The following ZNF385D variants were observed in gnomAD, a reference collection of about 807,000 sequenced individuals.
ZNF385D encodes zinc finger protein 385D, also known as zinc finger protein 659.
A neutral mutation model predicts 35.8 loss-of-function variants in ZNF385D; 15 were observed. That is an observed-to-expected ratio of 0.42 (90% CI 0.28 to 0.64). The LOEUF is 0.64. Ranked by LOEUF, ZNF385D falls within the 30% of genes least tolerant of loss-of-function variation. ZNF385D has a pLI of 0.23. For synonymous variants in ZNF385D, 212 were observed against 186.8 expected, an observed-to-expected ratio of 1.13 and a Z score of -1.10; for missense variants, 474 against 494.6, an observed-to-expected ratio of 0.96 and a Z score of 0.39.
At chr3:21,506,855 T>C (rs1210674985) in intron 4 of ZNF385D, among the ~76,000 whole-genome samples, 1 of 152,144 alleles carries the variant, frequency 6.6e-6, no homozygotes, top group Non-Finnish European at 1.5e-5. Context: ...CGTTAGGAAG[T>C]GTGTTTTTGC....
chr3:22,198,967 C>T (rs1332124982), intron 2 of ZNF385D, among the ~76,000 whole-genome samples: 1 of 152,100 alleles, frequency 6.6e-6, no homozygotes, highest in Non-Finnish European at 1.5e-5. Flanking sequence ...GTCTTAACAT[C>T]TGCAAAATAT....
chr3:21,878,146 T>G (rs752906077), intron 3 of ZNF385D: 1 of 151,996 alleles, frequency 6.6e-6, no homozygotes, highest in Non-Finnish European at 1.5e-5. Context: ...GATGCAATCC[T>G]CTAGGCAACT....
At chr3:21,468,663 C>T (rs974599731) in intron 4 of ZNF385D, among the ~76,000 whole-genome samples, 4 of 151,848 alleles carry the variant, frequency 2.6e-5, no homozygotes, top group Non-Finnish European at 5.9e-5. Flanking sequence ...CGGTGGCTCA[C>T]GCCTGTAATC....
chr3:22,157,469 C>T (rs1240146761), intron 3 of ZNF385D, among the ~76,000 whole-genome samples: 2 of 151,860 alleles, frequency 1.3e-5, no homozygotes, highest in East Asian at 3.9e-4. Context: ...TTTTTAATAA[C>T]ACCCCCAGAT....
intron 2 of ZNF385D, among the ~76,000 whole-genome samples, chr3:22,277,639 A>T (rs1465423486): frequency 6.6e-6 from 1 of 152,134 alleles, no homozygotes; most frequent in Admixed American, 6.6e-5. Flanking sequence ...GAAACTCATA[A>T]TATTATGGAA....
At chr3:21,712,571 C>T (rs968344771) in intron 1 of ZNF385D, among the ~76,000 whole-genome samples, 12 of 152,094 alleles carry the variant, frequency 7.9e-5, no homozygotes, top group Admixed American at 5.2e-4. Flanking sequence ...AAGTCTGTCA[C>T]TTGTAACACC....
At chr3:21,574,279 A>G (rs1264486848) in intron 2 of ZNF385D, among the ~76,000 whole-genome samples, 3 of 152,266 alleles carry the variant, frequency 2.0e-5, no homozygotes, top group African/African-American at 7.2e-5. Flanking sequence ...ATAGAGGGAC[A>G]TACACACAAG....
At chr3:22,009,256 C>T (rs1696412083) in intron 3 of ZNF385D, among the ~76,000 whole-genome samples, 1 of 150,292 alleles carries the variant, frequency 6.7e-6, no homozygotes, top group Non-Finnish European at 1.5e-5. Flanking sequence ...TAATGAATAT[C>T]CATATCCATC....
At chr3:21,644,589 T>G (rs532425277) in intron 2 of ZNF385D, among the ~76,000 whole-genome samples, 1 of 152,198 alleles carries the variant, frequency 6.6e-6, no homozygotes, top group East Asian at 1.9e-4. Flanking sequence ...TTCTCTTCAA[T>G]TTTATAGCAA....
At chr3:22,177,292 G>C (rs1694898507) in intron 2 of ZNF385D, among the ~76,000 whole-genome samples, 1 of 152,036 alleles carries the variant, frequency 6.6e-6, no homozygotes, top group South Asian at 2.1e-4. Flanking sequence ...CTCTACTTTG[G>C]ATCTAAAACA....
intron 3 of ZNF385D, among the ~76,000 whole-genome samples, chr3:22,101,900 G>C (rs1701962979): frequency 1.3e-5 from 2 of 151,672 alleles, no homozygotes; most frequent in African/African-American, 4.8e-5. Flanking sequence ...GGGAGGCAAA[G>C]TGATTTACTC....
At chr3:21,879,778 G>A (rs1035513396) in intron 3 of ZNF385D, among the ~76,000 whole-genome samples, 1 of 151,988 alleles carries the variant, frequency 6.6e-6, no homozygotes, top group African/African-American at 2.4e-5. Flanking sequence ...AGCTTTGGAG[G>A]ATGCATGACT....
chr3:22,209,620 A>G (rs1697386689), intron 2 of ZNF385D, among the ~76,000 whole-genome samples: 1 of 151,892 alleles, frequency 6.6e-6, no homozygotes, highest in Non-Finnish European at 1.5e-5. Flanking sequence ...TTTATCATAT[A>G]TATTCATTTC....
chr3:21,877,418 G>A (rs990824122), intron 3 of ZNF385D, among the ~76,000 whole-genome samples: 2 of 152,034 alleles, frequency 1.3e-5, no homozygotes, highest in African/African-American at 4.8e-5. Context: ...TAGGGAGCAC[G>A]CACATTCCCA....
At chr3:21,894,140 A>C (rs1699015129) in intron 3 of ZNF385D, among the ~76,000 whole-genome samples, 1 of 152,290 alleles carries the variant, frequency 6.6e-6, no homozygotes, top group East Asian at 1.9e-4. Flanking sequence ...CGTATTTTTA[A>C]ATTGCACTAA....
chr3:21,706,841 T>C (rs1424514556), intron 1 of ZNF385D, among the ~76,000 whole-genome samples: 3 of 148,964 alleles, frequency 2.0e-5, no homozygotes, highest in Non-Finnish European at 4.6e-5. Flanking sequence ...GATAGATAGA[T>C]AGATAGATAG....
chr3:21,889,035 T>C (rs1698699807), intron 3 of ZNF385D, among the ~76,000 whole-genome samples: 1 of 151,988 alleles, frequency 6.6e-6, no homozygotes, highest in Non-Finnish European at 1.5e-5. Flanking sequence ...GTGTGGGGAG[T>C]GCCCTTGACA....
rs969417726 is a variant in ZNF385D at position 22,240,003 on chromosome 3, C to A, written c.107-70968G>T. Among the ~76,000 whole-genome samples the A allele has an allele frequency of 6.0e-5, 9 of 149,188 alleles. 1 individual carries two copies. Among genetic ancestry groups the A allele is most frequent in the African/African-American group, 2.3e-4 (9 of 39,938 alleles). ...ATCAGTCTGGGCAACATGGCAAAACCCAGTCTCTACAAAAAAAAAAATACA... is the reference window on the plus strand; with the variant it reads ...ATCAGTCTGGGCAACATGGCAAAACACAGTCTCTACAAAAAAAAAAATACA... On this transcript the variant is annotated intron_variant, in intron 2 of 5. Transcript: ENST00000494108.
At chr3:21,924,021 C>A (rs1451401222) in intron 3 of ZNF385D, among the ~76,000 whole-genome samples, 1 of 152,076 alleles carries the variant, frequency 6.6e-6, no homozygotes, top group Non-Finnish European at 1.5e-5. Flanking sequence ...TATATTTATG[C>A]CTCAAAATTA....
Sources: allele counts gnomAD v4.1 joint callset (sites outside exome capture counted in the v4.1 genomes callset), GRCh38; gene constraint gnomAD v4.1.1; transcripts MANE v1.5; gene names NCBI Gene and HGNC (gene_info 2026-07-23, HGNC 2026-07-21).